The following GASK1B variants were observed in gnomAD, a reference collection of about 807,000 sequenced individuals.
GASK1B encodes the protein golgi associated kinase 1B.
A neutral mutation model predicts 42.8 loss-of-function variants in GASK1B; 34 were observed. That is an observed-to-expected ratio of 0.79 (90% CI 0.60 to 1.06). The LOEUF (loss-of-function observed/expected upper bound fraction) is 1.06, where lower values mean the gene tolerates loss of function less well. GASK1B is among the 50% of genes least tolerant of loss of function. GASK1B has a pLI of 0.00. For missense variants in GASK1B, 686 were observed against 661.0 expected (o/e 1.04, Z -0.42); for synonymous variants, 262 against 259.1 (o/e 1.01, Z -0.11).
intron 3 of GASK1B, among the ~76,000 whole-genome samples, chr4:158,144,735 CA>C (rs1187834386): frequency 6.6e-6 from 1 of 152,188 alleles, no homozygotes; most frequent in African/African-American, 2.4e-5. Context: ...CAACTAATCC[CA>C]GACTTTCTTT....
chr4:158,148,898 G>A (rs1159338952), intron 3 of GASK1B, among the ~76,000 whole-genome samples: 2 of 152,174 alleles, frequency 1.3e-5, no homozygotes, highest in Non-Finnish European at 2.9e-5. Flanking sequence ...GCTCAGTCAG[G>A]AACATGTATG....
chr4:158,154,414 A>G, intron 3 of GASK1B, among the ~76,000 whole-genome samples: 1 of 152,212 alleles, frequency 6.6e-6, no homozygotes, highest in East Asian at 1.9e-4. Context: ...GCTGGTGGGA[A>G]TGTAAACTAG....
At chr4:158,153,549 G>A (rs191925088) in intron 3 of GASK1B, among the ~76,000 whole-genome samples, 76 of 152,152 alleles carry the variant, frequency 5.0e-4, no homozygotes, top group Non-Finnish European at 9.0e-4. Context: ...CACAGTCAAA[G>A]CAGGACTAAG....
rs115564218 is a variant in GASK1B, at chr4:158,140,403, C to T, written c.1126-9391G>A. Among the ~76,000 whole-genome samples the T allele has an allele frequency of 4.9e-3, 744 of 152,324 alleles. 8 individuals carry two copies. Among genetic ancestry groups the T allele is most frequent in the African/African-American group, 0.017 (702 of 41,556 alleles). On this transcript the variant is annotated intron_variant, in intron 3 of 4. Coordinates refer to ENST00000585682, the MANE Select transcript of GASK1B (RefSeq NM_001128424.2). ...TTTGCACTGGTTGAACCAGCTCTCACTTAACCCTTAACCCTCTTTGAATAT... is the reference window on the plus strand; with the variant it reads ...TTTGCACTGGTTGAACCAGCTCTCATTTAACCCTTAACCCTCTTTGAATAT...
chr4:158,164,473 G>A (rs796301912), intron 2 of GASK1B, among the ~76,000 whole-genome samples: 9 of 152,160 alleles, frequency 5.9e-5, no homozygotes, highest in African/African-American at 2.2e-4. Flanking sequence ...GGAGCACAGC[G>A]CTGCTTAGAG....
At position 158,170,648 on chromosome 4, in the gene GASK1B, C is replaced by A; in HGVS notation, c.728G>T (p.Gly243Val). The change falls in exon 2 of 5, where the codon GGA (glycine) becomes GTA (valine). Residue 243 changes from glycine (G) to valine (V), a missense_variant. Coordinates refer to ENST00000585682, the MANE Select transcript of GASK1B (RefSeq NM_001128424.2). Reference protein sequence around the residue: ...AGLRPVSSRSGARLLVLEGGA... With the variant: ...AGLRPVSSRSVARLLVLEGGA... The stretch of plus-strand genomic sequence containing the variant: ...CCCCTCCAGCACCAGCAAACGGGCT[C>A]CGCTCCTAGAGGACACAGGCCGGAG... 1 of 1,613,936 alleles carries A rather than the reference C, an allele frequency of 6.2e-7. No individual in the cohort carries two copies. Among genetic ancestry groups the A allele is most frequent in the Non-Finnish European group, 8.5e-7 (1 of 1,180,028 alleles).
At position 158,138,931 on chromosome 4, in the gene GASK1B, T is replaced by C. The variant is rs1465446369; in HGVS notation, c.1126-7919A>G. On this transcript the variant is annotated intron_variant, in intron 3 of 4. Coordinates refer to ENST00000585682, the MANE Select transcript of GASK1B (RefSeq NM_001128424.2). ...TACATATAGAATTTTCCCTTCTATG[T>C]TTCTATACTTCTTGGGTTAGAAAAC... is the stretch of plus-strand genomic sequence containing the variant. Among the ~76,000 whole-genome samples the C allele has an allele frequency of 2.0e-5, 3 of 152,356 alleles. No individual in the cohort carries two copies. The East Asian group carries it at 5.8e-4, about 29-fold the overall frequency.
At chr4:158,158,833 C>A (rs879267564) in intron 2 of GASK1B, among the ~76,000 whole-genome samples, 1 of 151,984 alleles carries the variant, frequency 6.6e-6, no homozygotes, top group Non-Finnish European at 1.5e-5. Context: ...AGCAATATCA[C>A]TAATCTTTTG....
chr4:158,162,159 A>G (rs768229115), intron 2 of GASK1B, among the ~76,000 whole-genome samples: 7 of 152,136 alleles, frequency 4.6e-5, no homozygotes, highest in Non-Finnish European at 8.8e-5. Context: ...CTTCTTCCAA[A>G]AGTATTTATA....
chr4:158,171,141 G>C lies in GASK1B; in HGVS notation c.235C>G (p.Pro79Ala). 6.2e-7 allele frequency: 1 copy of C among 1,608,130 alleles called. No individual in the cohort carries two copies. The highest frequency in any genetic ancestry group is 1.3e-5 in the African/African-American group (1 of 74,966). The stretch of plus-strand genomic sequence containing the variant: ...TCCAGGGGTATCTCAGGGAAGGATG[G>C]CTCGGCGGTGTCGCGGCTGCGATGT... ...GPHRSRDTAE[P>A]SFPEIPLDGT... The change falls in exon 2 of 5, where the codon CCA becomes GCA. Residue 79 changes from proline to alanine, a missense_variant. Pro to Ala is a conservative substitution (Grantham distance 27). Coordinates refer to ENST00000585682, the MANE Select transcript of GASK1B (RefSeq NM_001128424.2).
At chr4:158,128,478 A>G (rs896461262) in intron 4 of GASK1B, among the ~76,000 whole-genome samples, 2 of 152,222 alleles carry the variant, frequency 1.3e-5, no homozygotes, top group Non-Finnish European at 2.9e-5. Context: ...TAAATCCCCA[A>G]TTTGACATTT....
chr4:158,129,728 G>A (rs1287883403), intron 4 of GASK1B, among the ~76,000 whole-genome samples: 1 of 152,146 alleles, frequency 6.6e-6, no homozygotes, highest in Non-Finnish European at 1.5e-5. Context: ...TGCTCATGAG[G>A]TTTCCAGCAG....
intron 3 of GASK1B, among the ~76,000 whole-genome samples, chr4:158,144,647 C>T (rs2346784): frequency 0.78 from 117,998 of 151,936 alleles, 47,025 homozygotes; most frequent in East Asian, 0.95. Context: ...AGCAGAAATA[C>T]ATTGTTCTCA....
chr4:158,169,258 G>A (rs982553011), intron 2 of GASK1B: 2 of 152,196 alleles, frequency 1.3e-5, no homozygotes, highest in African/African-American at 4.8e-5. Flanking sequence ...TGTTTGAGAA[G>A]GTTTCTTACA....
At chr4:158,140,510 G>C (rs1194079565) in intron 3 of GASK1B, among the ~76,000 whole-genome samples, 1 of 152,140 alleles carries the variant, frequency 6.6e-6, no homozygotes, top group Non-Finnish European at 1.5e-5. Context: ...ATGAGTATCT[G>C]CCTGCCCTCT....
At chr4:158,161,421 A>G (rs575057590) in intron 2 of GASK1B, among the ~76,000 whole-genome samples, 1 of 152,324 alleles carries the variant, frequency 6.6e-6, no homozygotes, top group Middle Eastern at 3.4e-3. Flanking sequence ...GAGTTAAAAT[A>G]ATCTCCATAC....
At chr4:158,130,237 C>A (rs903950984) in intron 4 of GASK1B, among the ~76,000 whole-genome samples, 5 of 152,158 alleles carry the variant, frequency 3.3e-5, no homozygotes, top group African/African-American at 1.2e-4. Context: ...TGAAGGATTT[C>A]AAAATGCTGA....
rs547547781 is a variant in GASK1B at position 158,127,480 on chromosome 4, A to G, written c.1487T>C (p.Ile496Thr). 2.5e-4 allele frequency: 404 copies of G among 1,613,822 alleles called. No individual in the cohort carries two copies. The highest frequency in any genetic ancestry group is 8.3e-4 in the Middle Eastern group (5 of 6,058). The part of the protein sequence containing the change: ...RQGIEKLIDV[I>T]EHRAKILITY... ...GATAAGAATTTTGGCTCTGTGTTCTATTACATCGATAAGCTTTTCAATTCC... is the reference window on the plus strand; with the variant it reads ...GATAAGAATTTTGGCTCTGTGTTCTGTTACATCGATAAGCTTTTCAATTCC... The change falls in exon 5 of 5, where the codon ATA becomes ACA. Residue 496 changes from isoleucine (I) to threonine (T), a missense_variant. Ile to Thr is a moderately conservative substitution (Grantham distance 89). Coordinates refer to ENST00000585682, the MANE Select transcript of GASK1B (RefSeq NM_001128424.2).
Position 158,141,597 on chromosome 4 carries a change from C to CATTT in GASK1B, c.1126-10586_1126-10585insAAAT, listed in dbSNP as rs1553958620. On this transcript the variant is annotated intron_variant, in intron 3 of 4. Coordinates refer to ENST00000585682, the MANE Select transcript of GASK1B (RefSeq NM_001128424.2). ...CATAGGTCAGTGCCTTTGTATTTAC[C>CATTT]TTTTTTTTTTTTTTTTTTTTTTTTT... Among the ~76,000 whole-genome samples, 27 of 113,694 alleles carry CATTT rather than the reference C, an allele frequency of 2.4e-4. 11 individuals are homozygous for CATTT. Among genetic ancestry groups the CATTT allele is most frequent in the Admixed American group, 1.8e-4 (2 of 10,966 alleles). 74.6% of individuals were successfully genotyped at this position (113,694 alleles called of 152,430 possible). A position where few individuals can be genotyped will look rare whatever the true frequency, so the allele number is the denominator to read the frequency against.
Sources: gnomAD v4.1 joint callset for allele counts (sites outside exome capture counted in the v4.1 genomes callset) on GRCh38, gnomAD v4.1.1 for gene constraint, MANE v1.5 for transcripts, NCBI Gene and HGNC (gene_info 2026-07-23, HGNC 2026-07-21) for gene names.